CATSPERG: variants seen among roughly 807,000 people sequenced by gnomAD.
The protein encoded by CATSPERG is catsper channel auxiliary subunit gamma, also known as cation channel sperm-associated auxiliary subunit gamma.
Under a neutral mutation model 145.0 loss-of-function variants are expected in CATSPERG, and 115 were observed. That is an observed-to-expected ratio of 0.79 (90% confidence interval 0.68 to 0.93). The LOEUF (loss-of-function observed/expected upper bound fraction) is 0.93. CATSPERG is among the 40% of genes least tolerant of loss of function. The pLI is 0.00. For synonymous variants in CATSPERG, 588 were observed against 589.0 expected, an observed-to-expected ratio of 1.00 and a Z score of 0.02; for missense variants, 1,296 against 1,490.1, an observed-to-expected ratio of 0.87 and a Z score of 2.14.
At chr19:38,338,948 G>A (rs912799733) in intron 3 of CATSPERG, among the ~76,000 whole-genome samples, 1 of 152,032 alleles carries the variant, frequency 6.6e-6, no homozygotes, top group Non-Finnish European at 1.5e-5. Flanking sequence ...ACACCAGGTC[G>A]GGGGGAGGGG....
chr19:38,360,822 A>G lies in CATSPERG; in HGVS notation c.1859A>G (p.His620Arg), dbSNP rs1405974137. 3 of 1,611,818 alleles carry G rather than the reference A, an allele frequency of 1.9e-6. No homozygotes were observed. Among genetic ancestry groups the G allele is most frequent in the East Asian group, 2.2e-5 (1 of 44,848 alleles). The change falls in exon 16 of 29, where the codon CAC becomes CGC. Residue 620 changes from histidine to arginine, a missense_variant. His to Arg is a conservative substitution (Grantham distance 29). Transcript: ENST00000409235. ...QLLMYQQHTS[H>R]YDLERKGGYL... ...CTGATGTATCAACAGCACACCAGCC[A>G]CTATGACTTGGAGCGGAAAGGGTGA...
At chr19:38,367,411 C>G in intron 23 of CATSPERG, 98 bp from the exon 24 acceptor site, 1 of 1,559,468 alleles carries the variant, frequency 6.4e-7, no homozygotes, top group East Asian at 2.2e-5. Flanking sequence ...ACTACCCACC[C>G]TTTTTCCTGC....
intron 28 of CATSPERG, 105 bp downstream of exon 28, chr19:38,370,363 A>G: frequency 7.2e-7 from 1 of 1,396,712 alleles, no homozygotes. Context: ...TCACTCATCT[A>G]GCCATGCTGA....
chr19:38,340,146 G>A (rs140252543), intron 3 of CATSPERG, among the ~76,000 whole-genome samples: 3,391 of 152,090 alleles, frequency 0.022, 53 homozygotes, highest in Middle Eastern at 0.097. Flanking sequence ...GAGCCACCAT[G>A]CCTGGCCTGT....
intron 6 of CATSPERG, among the ~76,000 whole-genome samples, chr19:38,345,143 G>C (rs534976082): frequency 6.6e-6 from 1 of 151,728 alleles, no homozygotes; most frequent in South Asian, 2.1e-4. Context: ...GCCCAGGCTA[G>C]AGTGCAGTGG....
In CATSPERG at chr19:38,337,387, C is replaced by A; in HGVS notation, c.153C>A (p.Asn51Lys). 2 of 1,551,608 alleles carry A rather than the reference C, an allele frequency of 1.3e-6. No homozygotes were observed. Among genetic ancestry groups the A allele is most frequent in the Non-Finnish European group, 1.7e-6 (2 of 1,146,972 alleles). Residue 51 changes from asparagine to lysine, a missense_variant, in exon 2 of 29, where the codon AAC becomes AAA. Physicochemically the swap from Asn to Lys is moderately conservative, Grantham distance 94 (BLOSUM62 0). Transcript: ENST00000409235. ...FQECTWQVVL[N>K]EFKRVGESGV... ...AATGCACCTGGCAGGTTGTCCTGAA[C>A]GAGTTTAAGAGGGTAGGCGAGAGTG... is the stretch of plus-strand genomic sequence containing the variant.
chr19:38,337,360 G>T lies in CATSPERG; in HGVS notation c.126G>T (p.Gln42His). The T allele has an allele frequency of 6.4e-7, 1 of 1,551,738 alleles. No homozygotes were observed. Among genetic ancestry groups the T allele is most frequent in the Non-Finnish European group, 8.7e-7 (1 of 1,147,014 alleles). ...GGCTGTGGGCGATCAAGGATTTCCA[G>T]GAATGCACCTGGCAGGTTGTCCTGA... ...SWRLWAIKDF[Q>H]ECTWQVVLNE... Residue 42 changes from glutamine (Q) to histidine (H), a missense_variant, in exon 2 of 29, where the codon CAG (glutamine) becomes CAT (histidine). By Grantham distance (24) the Gln-to-His change is conservative (BLOSUM62 0). Transcript: ENST00000409235.
At position 38,360,842 on chromosome 19, in the gene CATSPERG, G is replaced by A; in HGVS notation, c.1879G>A (p.Gly627Arg). The change falls in exon 16 of 29, where the codon GGG becomes AGG. Residue 627 changes from glycine (G) to arginine (R), a missense_variant and splice_region_variant. Gly to Arg is a moderately radical substitution (Grantham distance 125). Transcript: ENST00000409235. ...CAGCCACTATGACTTGGAGCGGAAA[G>A]GGTGAGAAGACACCGGACCATGACA... ...HTSHYDLERK[G>R]GYLMLSFIDF... 2 of 1,608,198 alleles carry A rather than the reference G, an allele frequency of 1.2e-6. No individual in the cohort carries two copies. Among genetic ancestry groups the A allele is most frequent in the African/African-American group, 1.3e-5 (1 of 74,972 alleles).
At chr19:38,367,001 T>G in intron 22 of CATSPERG, 155 bp from the exon 23 acceptor site, 26 of 661,764 alleles carry the variant, frequency 3.9e-5, no homozygotes, top group Non-Finnish European at 6.1e-5. Flanking sequence ...GCCGTGTTAA[T>G]GATATTAATG....
chr19:38,344,597 A>G (rs1002702925), intron 6 of CATSPERG, among the ~76,000 whole-genome samples: 3 of 152,080 alleles, frequency 2.0e-5, no homozygotes, highest in Non-Finnish European at 2.9e-5. Context: ...CCATTTTCCC[A>G]TAGTCCCTCA....
chr19:38,341,913 TA>T (rs1969944694), intron 3 of CATSPERG, among the ~76,000 whole-genome samples: 1 of 146,918 alleles, frequency 6.8e-6, no homozygotes, highest in Non-Finnish European at 1.5e-5. Flanking sequence ...GGAAAAAAAA[TA>T]AAAAATAAAA....
At chr19:38,347,357 G>A (rs1365496091) in intron 7 of CATSPERG, among the ~76,000 whole-genome samples, 5 of 152,118 alleles carry the variant, frequency 3.3e-5, no homozygotes, top group Admixed American at 3.3e-4. Context: ...CAGCCTGGGC[G>A]ACAGAGCCAG....
intron 22 of CATSPERG, chr19:38,366,947 G>A: frequency 1.8e-6 from 1 of 558,102 alleles, no homozygotes; most frequent in Admixed American, 3.4e-5. Context: ...GCCCGCCTCG[G>A]CCTCCCGAAG....
intron 7 of CATSPERG, among the ~76,000 whole-genome samples, chr19:38,347,269 TC>T (rs1322747091): frequency 6.6e-6 from 1 of 151,998 alleles, no homozygotes; most frequent in African/African-American, 2.4e-5. Context: ...TCCCAGCTAC[TC>T]AGGAGGCTGA....
At chr19:38,343,878 A>C (rs2051175100) in intron 4 of CATSPERG, 115 bp from the exon 5 acceptor site, 4 of 1,423,274 alleles carry the variant, frequency 2.8e-6, no homozygotes, top group Non-Finnish European at 3.8e-6. Context: ...CCCCAGTGGG[A>C]CCCATGGCGT....
rs1970310271 is a variant in CATSPERG at position 38,359,669 on chromosome 19, C to T, written c.1608+88C>T. 7.3e-6 allele frequency: 11 copies of T among 1,502,942 alleles called. 1 individual carries two copies. In the East Asian group the frequency reaches 1.0e-4, roughly 14 times the overall value. 93.1% of individuals were successfully genotyped at this position (1,502,942 alleles called of 1,614,324 possible). A position where few individuals can be genotyped will look rare whatever the true frequency, so the allele number is the denominator to read the frequency against. ...CTTTCCCCCGTCACAGTAAAGGAGC[C>T]AAGGGAAGGGGGCACCCTCGGGGAC... On this transcript the variant is annotated intron_variant, in intron 14 of 28. Coordinates refer to ENST00000409235, the MANE Select transcript of CATSPERG (RefSeq NM_021185.5).
rs1308245722 is a variant in CATSPERG, at chr19:38,336,183, G to T, written c.-15+308G>T. ...AAGAAGTGGGGCAAGAAGGTGTCGC[G>T]GTACGAGGGGAAGGTGAGACTCAAG... is the stretch of plus-strand genomic sequence containing the variant. On this transcript the variant is annotated intron_variant, in intron 1 of 28. Coordinates refer to ENST00000409235, the MANE Select transcript of CATSPERG (RefSeq NM_021185.5). The T allele has an allele frequency of 2.2e-5, 10 of 456,160 alleles. No individual in the cohort carries two copies. In the Admixed American group the frequency reaches 2.4e-4, roughly 11 times the overall value. 28.3% of individuals were successfully genotyped at this position (456,160 alleles called of 1,614,324 possible).
chr19:38,344,907 T>A (rs994859536), intron 6 of CATSPERG, among the ~76,000 whole-genome samples: 4,655 of 119,200 alleles, frequency 0.039, 411 homozygotes, highest in Middle Eastern at 0.085. Flanking sequence ...ATATATTTTT[T>A]TTTTTTTTTT....
rs78426782 is a variant in CATSPERG, at chr19:38,352,767, C to T, written c.997+335C>T. Among the ~76,000 whole-genome samples, 371 of 150,850 alleles carry T rather than the reference C, an allele frequency of 2.5e-3. 10 individuals are homozygous for T. In the East Asian group the frequency reaches 0.048, roughly 19 times the overall value. The stretch of plus-strand genomic sequence containing the variant: ...GAAGGACTTGCCAAGACAGACCAGA[C>T]GGGGAGAGAAAGTCAGAGGGAGAGG... On this transcript the variant is annotated intron_variant, in intron 8 of 28. Coordinates refer to ENST00000409235, the MANE Select transcript of CATSPERG (RefSeq NM_021185.5).
Sources: gnomAD v4.1 joint callset for allele counts (sites outside exome capture counted in the v4.1 genomes callset) on GRCh38, gnomAD v4.1.1 for gene constraint, MANE v1.5 for transcripts, NCBI Gene and HGNC (gene_info 2026-07-23, HGNC 2026-07-21) for gene names.